PDE4D: variants seen among roughly 807,000 people sequenced by gnomAD.
PDE4D encodes phosphodiesterase 4D, also known as 3',5'-cyclic-AMP phosphodiesterase 4D.
A neutral mutation model predicts 87.4 loss-of-function variants in PDE4D; 24 were observed. The observed-to-expected ratio is 0.27, with a 90% CI of 0.20 to 0.39. PDE4D has a LOEUF of 0.39. PDE4D is among the 10% of genes least tolerant of loss of function. The probability of loss-of-function intolerance (pLI) is 1.00; values close to 1 mark genes in which losing one functional copy is unlikely to be tolerated. For missense variants in PDE4D, 714 were observed against 1,041.0 expected (o/e 0.69, Z 4.32); for synonymous variants, 384 against 383.2 (o/e 1.00, Z -0.02).
In PDE4D at chr5:59,144,060, G is replaced by A. The variant is rs77401665; in HGVS notation, c.808+36535C>T. On this transcript the variant is annotated intron_variant, in intron 5 of 14. Coordinates refer to ENST00000340635, the MANE Select transcript of PDE4D (RefSeq NM_001104631.2). ...CTAGTCACATGCTTTAAAGATCACAGATCCAAATAAAGAAACCATCGGGGG... is the reference window on the plus strand; with the variant it reads ...CTAGTCACATGCTTTAAAGATCACAAATCCAAATAAAGAAACCATCGGGGG... 3.1e-3 allele frequency among the ~76,000 whole-genome samples: 467 copies of A among 152,324 alleles called. 10 individuals are homozygous for A. In the East Asian group the frequency reaches 0.056, roughly 18 times the overall value.
rs185609402 is a variant in PDE4D, at chr5:60,368,027, G to C, written c.-90+119915C>G. On this transcript the variant is annotated intron_variant, in intron 1 of 16. Coordinates refer to the PDE4D transcript ENST00000502484. ...ATATGAAAGAAGCATTATGGAGAAGGAGATTTATTGTGATTCATTGAAATG... is the reference window on the plus strand; with the variant it reads ...ATATGAAAGAAGCATTATGGAGAAGCAGATTTATTGTGATTCATTGAAATG... 6.6e-5 allele frequency among the ~76,000 whole-genome samples: 10 copies of C among 152,242 alleles called. No homozygotes were observed. The East Asian group carries it at 1.9e-3, about 29-fold the overall frequency.
chr5:59,899,475 A>G (rs1183159707), intron 3 of PDE4D, among the ~76,000 whole-genome samples: 1 of 148,650 alleles, frequency 6.7e-6, no homozygotes, highest in Non-Finnish European at 1.5e-5. Context: ...ATGCATGCTT[A>G]AGTGGTAAAT....
chr5:60,090,605 C>T (rs1007458952), intron 2 of PDE4D, among the ~76,000 whole-genome samples: 2 of 152,064 alleles, frequency 1.3e-5, no homozygotes, highest in African/African-American at 4.8e-5. Context: ...ATTCTTTCTT[C>T]CAAGATCTGA....
chr5:59,273,712 A>G (rs1474208751), intron 1 of PDE4D, among the ~76,000 whole-genome samples: 1 of 152,186 alleles, frequency 6.6e-6, no homozygotes, highest in Non-Finnish European at 1.5e-5. Context: ...AGTTAAATGG[A>G]AAAATACACA....
intron 6 of PDE4D, among the ~76,000 whole-genome samples, chr5:59,038,187 A>C (rs1758888887): frequency 1.3e-5 from 2 of 152,230 alleles, no homozygotes; most frequent in Non-Finnish European, 2.9e-5. Flanking sequence ...GTTACTTCTC[A>C]GCCCTCAAAA....
chr5:60,488,909 AAG>A (rs1749361079), upstream of PDE4D, among the ~76,000 whole-genome samples: 2 of 152,190 alleles, frequency 1.3e-5, no homozygotes, highest in Non-Finnish European at 2.9e-5. Flanking sequence ...TAGGAATCCT[AAG>A]AGAGAATCAA....
chr5:59,495,907 C>G lies in PDE4D; in HGVS notation c.456-279939G>C, dbSNP rs988018224. 3.5e-4 allele frequency among the ~76,000 whole-genome samples: 54 copies of G among 152,246 alleles called. 1 individual carries two copies. Among genetic ancestry groups the G allele is most frequent in the African/African-American group, 1.2e-3 (51 of 41,534 alleles). On this transcript the variant is annotated intron_variant, in intron 1 of 14. Transcript: ENST00000340635. ...CAAAGCCCCAGTGGGCATGTGCTACCATGGGCTCTTTCAGTTTTGCCGTCT... is the reference window on the plus strand; with the variant it reads ...CAAAGCCCCAGTGGGCATGTGCTACGATGGGCTCTTTCAGTTTTGCCGTCT...
At chr5:59,667,402 C>T (rs1746260590) in intron 1 of PDE4D, among the ~76,000 whole-genome samples, 1 of 152,120 alleles carries the variant, frequency 6.6e-6, no homozygotes, top group African/African-American at 2.4e-5. Flanking sequence ...GCCTTGACCT[C>T]CTGGGCTCAA....
chr5:60,351,312 A>AT (rs953586307), intron 1 of PDE4D, among the ~76,000 whole-genome samples: 8 of 151,884 alleles, frequency 5.3e-5, no homozygotes, highest in Middle Eastern at 3.2e-3. Context: ...ACAGAATCCC[A>AT]TTTTTTTGCT....
At position 60,056,477 on chromosome 5, in the gene PDE4D, G is replaced by A. The variant is rs187982257; in HGVS notation, c.43-67760C>T. ...GTTTTTATGCTAACTAGATTTCCCC[G>A]CAAATTTAAGTGGAAGAGAGACAGC... On this transcript the variant is annotated intron_variant, in intron 2 of 16. Coordinates refer to the PDE4D transcript ENST00000502484. Among the ~76,000 whole-genome samples the A allele has an allele frequency of 3.5e-3, 527 of 152,020 alleles. 2 individuals carry two copies. The highest frequency in any genetic ancestry group is 0.012 in the African/African-American group (479 of 41,502).
At chr5:60,018,368 C>G (rs1300373782) in intron 2 of PDE4D, among the ~76,000 whole-genome samples, 1 of 152,152 alleles carries the variant, frequency 6.6e-6, no homozygotes, top group Non-Finnish European at 1.5e-5. Context: ...GAAACCATTA[C>G]AAACCACTGC....
At chr5:60,253,005 G>A (rs1412502772) in intron 1 of PDE4D, among the ~76,000 whole-genome samples, 2 of 151,820 alleles carry the variant, frequency 1.3e-5, no homozygotes, top group Admixed American at 6.6e-5. Context: ...TGCTTTGAAA[G>A]GCCAATAATC....
intron 1 of PDE4D, among the ~76,000 whole-genome samples, chr5:59,449,333 C>T (rs765898644): frequency 1.2e-4 from 18 of 152,114 alleles, no homozygotes; most frequent in Admixed American, 3.3e-4. Context: ...ATGTTGAGGC[C>T]CAGGAAAAGT....
At chr5:60,157,140 A>C (rs1261885987) in intron 2 of PDE4D, among the ~76,000 whole-genome samples, 1 of 152,112 alleles carries the variant, frequency 6.6e-6, no homozygotes, top group Non-Finnish European at 1.5e-5. Context: ...CACCTTCATG[A>C]GCATTGGGTA....
chr5:59,493,149 T>G (rs146572030), intron 1 of PDE4D, among the ~76,000 whole-genome samples: 2 of 152,212 alleles, frequency 1.3e-5, no homozygotes, highest in East Asian at 3.9e-4. Flanking sequence ...AAACTCTGAG[T>G]TTTTTTATTG....
chr5:60,187,673 G>A (rs935723292), intron 1 of PDE4D, among the ~76,000 whole-genome samples: 6 of 152,120 alleles, frequency 3.9e-5, no homozygotes, highest in Non-Finnish European at 7.4e-5. Context: ...TTTCCTATGG[G>A]AATTTAGAAC....
intron 1 of PDE4D, among the ~76,000 whole-genome samples, chr5:59,305,495 T>C (rs1368947999): frequency 6.6e-6 from 1 of 152,038 alleles, no homozygotes; most frequent in Admixed American, 6.6e-5. Flanking sequence ...TGACTGTAGA[T>C]TGTCTTTTTT....
intron 6 of PDE4D, among the ~76,000 whole-genome samples, chr5:59,018,917 C>A (rs1247073420): frequency 6.6e-6 from 1 of 151,368 alleles, no homozygotes; most frequent in African/African-American, 2.4e-5. Context: ...TTGCAGACAA[C>A]ACCCAAGTAA....
chr5:59,315,109 C>T (rs1247516451), intron 1 of PDE4D, among the ~76,000 whole-genome samples: 1 of 152,152 alleles, frequency 6.6e-6, no homozygotes, highest in Non-Finnish European at 1.5e-5. Context: ...TTTTTCTTTT[C>T]TTGTTTTCCT....
Sources: gnomAD v4.1 joint callset for allele counts (sites outside exome capture counted in the v4.1 genomes callset) on GRCh38, gnomAD v4.1.1 for gene constraint, MANE v1.5 for transcripts, NCBI Gene and HGNC (gene_info 2026-07-23, HGNC 2026-07-21) for gene names.